The following PDZD7 variants were observed in gnomAD, a reference collection of about 807,000 sequenced individuals.
PDZD7 encodes PDZ domain containing 7.
Under a neutral mutation model 84.7 loss-of-function variants are expected in PDZD7, and 72 were observed. The observed-to-expected ratio is 0.85, with a 90% CI of 0.70 to 1.03. PDZD7 has a LOEUF of 1.03. PDZD7 is among the 50% of genes least tolerant of loss of function. The probability of loss-of-function intolerance (pLI) is 0.00; values close to 1 mark genes in which losing one functional copy is unlikely to be tolerated. For synonymous variants in PDZD7, 594 were observed against 580.7 expected, an observed-to-expected ratio of 1.02 and a Z score of -0.33; for missense variants, 1,490 against 1,412.9, an observed-to-expected ratio of 1.05 and a Z score of -0.87.
chr10:101,015,920 A>C, intron 10 of PDZD7, 109 bp from the exon 11 acceptor site: 1 of 1,216,570 alleles, frequency 8.2e-7, no homozygotes, highest in Non-Finnish European at 1.1e-6. Flanking sequence ...ATCCTAGCCT[A>C]GCCTATATGC....
Position 101,030,172 on chromosome 10 carries a change from G to T in PDZD7, c.48C>A (p.Asp16Glu). 2 of 1,613,694 alleles carry T rather than the reference G, an allele frequency of 1.2e-6. No individual in the cohort carries two copies. The highest frequency in any genetic ancestry group is 1.7e-6 in the Non-Finnish European group (2 of 1,179,924). Reference protein sequence around the residue: ...AVGFDPLGLGDLSSGSLSSLS... With the variant: ...AVGFDPLGLGELSSGSLSSLS... ...GGGAGCTCAGAGAGCCGGAGCTCAGGTCTCCTAGGCCCAGTGGGTCGAAGC... is the reference window on the plus strand; with the variant it reads ...GGGAGCTCAGAGAGCCGGAGCTCAGTTCTCCTAGGCCCAGTGGGTCGAAGC... Residue 16 changes from aspartate to glutamate, a missense_variant, in exon 2 of 17, where the codon GAC becomes GAA. Physicochemically the swap from Asp to Glu is conservative, Grantham distance 45 (BLOSUM62 2). Transcript: ENST00000619208.
At chr10:101,027,578 A>G (rs1937795387) in intron 2 of PDZD7, among the ~76,000 whole-genome samples, 1 of 152,140 alleles carries the variant, frequency 6.6e-6, no homozygotes, top group Non-Finnish European at 1.5e-5. Context: ...CTGGACCAGA[A>G]GCTCTGGGAC....
At chr10:101,026,790 G>C (rs959312525) in intron 2 of PDZD7, among the ~76,000 whole-genome samples, 12 of 151,794 alleles carry the variant, frequency 7.9e-5, no homozygotes, top group East Asian at 1.9e-4. Context: ...GGGCAGCCTG[G>C]GGGGAGGGGT....
intron 2 of PDZD7, among the ~76,000 whole-genome samples, 194 bp from the exon 3 acceptor site, chr10:101,024,262 G>A (rs1031790161): frequency 3.3e-5 from 5 of 152,162 alleles, no homozygotes; most frequent in Non-Finnish European, 5.9e-5. Context: ...ATTTTTTAAA[G>A]AAACAGGGTC....
In PDZD7 at chr10:101,008,311, A is replaced by T; in HGVS notation, c.*156T>A. The T allele has an allele frequency of 1.3e-6, 1 of 789,962 alleles. No homozygotes were observed. Among genetic ancestry groups the T allele is most frequent in the Non-Finnish European group, 2.0e-6 (1 of 512,192 alleles). 48.9% of individuals were successfully genotyped at this position (789,962 alleles called of 1,614,324 possible). On this transcript the variant is annotated 3_prime_UTR_variant, in exon 17 of 17. Transcript: ENST00000619208. ...TAAGGCAGAGCCTTAATGACAGCTG[A>T]GGAGGGAAGAAAGTGGAAAGATGTG...
intron 2 of PDZD7, among the ~76,000 whole-genome samples, chr10:101,028,890 G>A (rs760551422): frequency 5.3e-5 from 8 of 152,160 alleles, no homozygotes; most frequent in Non-Finnish European, 1.0e-4. Flanking sequence ...AGGGGTGAGC[G>A]TGCCAGGGCA....
chr10:101,012,566 T>G (rs1852434013), intron 11 of PDZD7, among the ~76,000 whole-genome samples: 1 of 135,868 alleles, frequency 7.4e-6, no homozygotes, highest in Non-Finnish European at 1.6e-5. Flanking sequence ...TGGCATTAAT[T>G]ATTCCCGTTT....
chr10:101,014,411 A>G (rs1852516079), intron 11 of PDZD7, among the ~76,000 whole-genome samples: 4 of 151,866 alleles, frequency 2.6e-5, no homozygotes, highest in Admixed American at 6.6e-5. Flanking sequence ...AGGAGAAGGG[A>G]GGGATGAGGG....
In PDZD7 at chr10:101,018,231, A is replaced by G; in HGVS notation, c.1390T>C (p.Ser464Pro). The G allele has an allele frequency of 1.2e-6, 2 of 1,614,128 alleles. No individual in the cohort carries two copies. Among genetic ancestry groups the G allele is most frequent in the East Asian group, 2.2e-5 (1 of 44,884 alleles). ...SPGEKGALQR[S>P]KTLMNLFFKG... The stretch of plus-strand genomic sequence containing the variant: ...AAGAAGAGGTTCATCAGCGTCTTGG[A>G]GCGCTGCAGGGCACCCTTCTCCCCA... The change falls in exon 9 of 17, where the codon TCC becomes CCC. Residue 464 changes from serine (S) to proline (P), a missense_variant. By Grantham distance (74) the Ser-to-Pro change is moderately conservative. Transcript: ENST00000619208.
chr10:101,012,138 C>A, intron 12 of PDZD7, 29 bp downstream of exon 12: 1 of 1,548,002 alleles, frequency 6.5e-7, no homozygotes, highest in South Asian at 1.2e-5. Context: ...CCTTCCTGCC[C>A]CCAAGCCCTC....
intron 5 of PDZD7, 115 bp from the exon 6 acceptor site, chr10:101,022,060 A>C (rs1853139741): frequency 6.4e-7 from 1 of 1,556,402 alleles, no homozygotes; most frequent in Non-Finnish European, 8.7e-7. Context: ...TGACCCTCCT[A>C]CTGGGGCCTC....
intron 9 of PDZD7, chr10:101,017,859 G>T: frequency 5.4e-6 from 1 of 186,758 alleles, no homozygotes. Context: ...AAGAAAGAAA[G>T]AAAGAAAGAA....
At position 101,008,245 on chromosome 10, in the gene PDZD7, A is replaced by C. The variant is rs1852283390; in HGVS notation, c.*222T>G. 3 of 561,864 alleles carry C rather than the reference A, an allele frequency of 5.3e-6. No homozygotes were observed. The Admixed American group carries it at 9.4e-5, about 18-fold the overall frequency. The allele number at this position is 561,864 out of a possible 1,614,324, so 34.8% of individuals were successfully genotyped here. A position where few individuals can be genotyped will look rare whatever the true frequency, so the allele number is the denominator to read the frequency against. On this transcript the variant is annotated 3_prime_UTR_variant, in exon 17 of 17. Transcript: ENST00000619208. ...TGGGAGGTTGGGGAGCAGTGAGTGC[A>C]GGTGACACAGGCTGCCCACTAGCAC...
At position 101,011,929 on chromosome 10, in the gene PDZD7, C is replaced by G; in HGVS notation, c.1929G>C (p.Arg643Ser). The G allele has an allele frequency of 6.5e-7, 1 of 1,550,236 alleles. No homozygotes were observed. The highest frequency in any genetic ancestry group is 8.7e-7 in the Non-Finnish European group (1 of 1,146,978). ...ELEAFEALKS[R>S]AVRPPALRPA... is the part of the protein sequence containing the mutation. ...GCCCCGCCCCCCACTGCTGACCTGC[C>G]CTGCTCTTGAGGGCCTCAAAAGCCT... is the stretch of plus-strand genomic sequence containing the variant. The change falls in exon 13 of 17, where the codon AGG (arginine) becomes AGC (serine). Residue 643 changes from arginine (R) to serine (S), a missense_variant. Arg to Ser is a moderately radical substitution (Grantham distance 110, BLOSUM62 -1). Coordinates refer to ENST00000619208, the MANE Select transcript of PDZD7 (RefSeq NM_001195263.2).
chr10:101,029,605 G>T (rs1290380699), intron 2 of PDZD7, among the ~76,000 whole-genome samples: 1 of 152,214 alleles, frequency 6.6e-6, no homozygotes, highest in Non-Finnish European at 1.5e-5. Flanking sequence ...GGTTGATGGA[G>T]GATGTCCTTC....
chr10:101,011,000 A>G, intron 14 of PDZD7, 117 bp from the exon 15 acceptor site: 2 of 1,500,654 alleles, frequency 1.3e-6, no homozygotes, highest in Non-Finnish European at 1.8e-6. Flanking sequence ...GCACCACTGC[A>G]GTGCGGCCCA....
At chr10:101,015,429 G>C (rs1410702919) in intron 11 of PDZD7, among the ~76,000 whole-genome samples, 1 of 152,016 alleles carries the variant, frequency 6.6e-6, no homozygotes, top group African/African-American at 2.4e-5. Flanking sequence ...TTAGGTTCTA[G>C]TGATTTTCTA....
In PDZD7 at chr10:101,011,727, G is replaced by A. The variant is rs1324919640; in HGVS notation, c.1968C>T (p.Asp656=). 2 of 1,545,028 alleles carry A rather than the reference G, an allele frequency of 1.3e-6. No homozygotes were observed. The highest frequency in any genetic ancestry group is 1.7e-6 in the Non-Finnish European group (2 of 1,146,936). The stretch of plus-strand genomic sequence containing the variant: ...TGATAAGGTGACGCTTGGGTGGCGT[G>A]TCCTGCCGGGCTGGTCTCAAAGCAG... ...RPPALRPARQ[D]TPPKRHLITP... The change falls in exon 14 of 17, where the codon GAC becomes GAT. Residue 656 remains aspartate, a synonymous_variant. Transcript: ENST00000619208.
Position 101,016,375 on chromosome 10 carries a change from A to T in PDZD7, c.1573+2T>A, listed in dbSNP as rs768858109. 1.3e-6 allele frequency: 2 copies of T among 1,550,646 alleles called. No individual in the cohort carries two copies. Among genetic ancestry groups the T allele is most frequent in the Non-Finnish European group, 1.7e-6 (2 of 1,146,988 alleles). ...GCCTTGGTAAAGGGATGCATGAATTACCACGTCTCAGTCTCCAGGTGACAA... is the reference window on the plus strand; with the variant it reads ...GCCTTGGTAAAGGGATGCATGAATTTCCACGTCTCAGTCTCCAGGTGACAA... On this transcript the variant is annotated splice_donor_variant, in intron 10 of 16. Transcript: ENST00000619208. LOFTEE classifies it high-confidence loss of function.
Sources: allele counts gnomAD v4.1 joint callset (sites outside exome capture counted in the v4.1 genomes callset), GRCh38; gene constraint gnomAD v4.1.1; transcripts MANE v1.5; gene names NCBI Gene and HGNC (gene_info 2026-07-23, HGNC 2026-07-21).